NFIX: variants seen among roughly 807,000 people sequenced by gnomAD.
NFIX encodes nuclear factor 1 X-type.
Under a neutral mutation model 53.3 loss-of-function variants are expected in NFIX, and 2 were observed. That is an observed-to-expected ratio of 0.04 (90% confidence interval 0.02 to 0.12). The LOEUF (loss-of-function observed/expected upper bound fraction) is 0.12, where lower values mean the gene tolerates loss of function less well. NFIX is among the 10% of genes least tolerant of loss of function. The pLI is 1.00. For missense variants in NFIX, 310 were observed against 674.5 expected, an observed-to-expected ratio of 0.46 and a Z score of 5.99; for synonymous variants, 244 against 289.0, an observed-to-expected ratio of 0.84 and a Z score of 1.58.
intron 2 of NFIX, among the ~76,000 whole-genome samples, chr19:13,039,995 A>AG (rs1362257505): frequency 6.6e-6 from 1 of 152,140 alleles, no homozygotes; most frequent in Middle Eastern, 3.2e-3. Context: ...GGGCATTATG[A>AG]GGGGAGAATC....
rs746279957 is a variant in NFIX at position 13,022,602 on chromosome 19, AAAAG to A, written c.28-2407_28-2404del. Among the ~76,000 whole-genome samples, 4 of 152,170 alleles carry A rather than the reference AAAAG, an allele frequency of 2.6e-5. No homozygotes were observed. Among genetic ancestry groups the A allele is most frequent in the Admixed American group, 1.3e-4 (2 of 15,292 alleles). On this transcript the variant is annotated intron_variant, in intron 1 of 10. Transcript: ENST00000592199. The surrounding 1 kb of genome is among the most constrained non-coding windows in gnomAD (Gnocchi z 4.5). ...TGTGTGCTCCATAGGAAGAAAAAAA[AAAAG>A]AAAGAAAGAAATAGAAACAGAAAAA...
chr19:13,006,220 C>A lies in NFIX; in HGVS notation c.27+10356C>A, dbSNP rs1236384528. Reference sequence around the variant, plus strand: ...GCTGTGGTTTTAGCAGAGGTGGGCACGGAGACCTCATGGTGAGATGATGAT... The same window carrying A: ...GCTGTGGTTTTAGCAGAGGTGGGCAAGGAGACCTCATGGTGAGATGATGAT... On this transcript the variant is annotated intron_variant, in intron 1 of 10. Coordinates refer to ENST00000592199, the MANE Select transcript of NFIX (RefSeq NM_001365902.3). The surrounding 1 kb of genome is among the most constrained non-coding windows in gnomAD (Gnocchi z 5.6). 6.6e-6 allele frequency among the ~76,000 whole-genome samples: 1 copy of A among 152,134 alleles called. No homozygotes were observed. Among genetic ancestry groups the A allele is most frequent in the African/African-American group, 2.4e-5 (1 of 41,434 alleles).
chr19:13,017,514 C>T (rs920913674), intron 1 of NFIX, among the ~76,000 whole-genome samples: 2 of 152,040 alleles, frequency 1.3e-5, no homozygotes, highest in African/African-American at 2.4e-5. Context: ...CTTCCTTGCT[C>T]CTTGTCTCTC....
intron 2 of NFIX, among the ~76,000 whole-genome samples, chr19:13,065,921 A>C (rs1440729844): frequency 6.6e-6 from 1 of 152,158 alleles, no homozygotes; most frequent in African/African-American, 2.4e-5. Flanking sequence ...TTCCTGGAGG[A>C]AAATTTTAAG....
Position 13,025,157 on chromosome 19 carries a change from C to T in NFIX, c.164C>T (p.Ala55Val). The change falls in exon 2 of 11, where the codon GCG becomes GTG. Residue 55 changes from alanine to valine, a missense_variant. This residue lies in a region of NFIX where 64 missense variants were observed against 144.5 expected (regional missense o/e 0.44). Coordinates refer to ENST00000592199, the MANE Select transcript of NFIX (RefSeq NM_001365902.3). This position sits in a 1 kb window ranked among gnomAD's most constrained non-coding sequence, Gnocchi z 7.5. ...CGGATGTCGAAGGACGAGGAGCGGG[C>T]GGTGAAGGACGAGCTGCTGGGCGAG... ...EKRMSKDEER[A>V]VKDELLGEKP... The T allele has an allele frequency of 1.9e-6, 3 of 1,614,194 alleles. No individual in the cohort carries two copies. The highest frequency in any genetic ancestry group is 2.5e-6 in the Non-Finnish European group (3 of 1,180,034).
chr19:13,019,024 TG>T (rs1399709577), intron 1 of NFIX, among the ~76,000 whole-genome samples: 8 of 152,248 alleles, frequency 5.3e-5, no homozygotes, highest in African/African-American at 1.9e-4. Flanking sequence ...TTGCTCTAAT[TG>T]CCTGTAGTTA....
In NFIX at chr19:13,014,246, A is replaced by C. The variant is rs2012534446; in HGVS notation, c.28-10775A>C. The C allele has an allele frequency of 6.6e-6, 1 of 152,134 alleles. No individual in the cohort carries two copies. Among genetic ancestry groups the C allele is most frequent in the African/African-American group, 2.4e-5 (1 of 41,424 alleles). The allele number at this position is 152,134 out of a possible 1,614,324, so 9.4% of individuals were successfully genotyped here. The stretch of plus-strand genomic sequence containing the variant: ...CTCCGGTCTGATTCGCAAATCCCCA[A>C]ACTGGCACAAACCGGGAAACTTGCG... On this transcript the variant is annotated intron_variant, in intron 1 of 10. Coordinates refer to ENST00000592199, the MANE Select transcript of NFIX (RefSeq NM_001365902.3). This position sits in a 1 kb window ranked among gnomAD's most constrained non-coding sequence, Gnocchi z 4.4.
rs939610521 is a variant in NFIX, at chr19:13,022,364, C to T, written c.28-2657C>T. Among the ~76,000 whole-genome samples the T allele has an allele frequency of 1.3e-5, 2 of 151,984 alleles. No homozygotes were observed. The highest frequency in any genetic ancestry group is 2.4e-5 in the African/African-American group (1 of 41,362). On this transcript the variant is annotated intron_variant, in intron 1 of 10. Coordinates refer to ENST00000592199, the MANE Select transcript of NFIX (RefSeq NM_001365902.3). This position sits in a 1 kb window ranked among gnomAD's most constrained non-coding sequence, Gnocchi z 4.5. ...TGGGGGCTGGGGGAGAAGGGAGGGA[C>T]GTGTGGGGTGCTGGCCTCCCCCTTG...
intron 1 of NFIX, among the ~76,000 whole-genome samples, chr19:13,004,872 A>G (rs954705838): frequency 1.3e-4 from 20 of 148,880 alleles, no homozygotes; most frequent in African/African-American, 4.8e-4. Flanking sequence ...GCTAGAGTGT[A>G]GTGGTGCAAT....
Position 12,996,123 on chromosome 19 carries a change from G to T in NFIX, c.27+259G>T, listed in dbSNP as rs955440369. Among the ~76,000 whole-genome samples, 4 of 148,092 alleles carry T rather than the reference G, an allele frequency of 2.7e-5. No individual in the cohort carries two copies. Among genetic ancestry groups the T allele is most frequent in the African/African-American group, 1.0e-4 (4 of 39,880 alleles). On this transcript the variant is annotated intron_variant, in intron 1 of 10. Transcript: ENST00000592199. This position sits in a 1 kb window ranked among gnomAD's most constrained non-coding sequence, Gnocchi z 5.2. ...TGCGTCGTGGCGCTGCCCGTGGAGC[G>T]CAGGCGGGAGTGCGTGTACGTGTGT...
rs150811411 is a variant in NFIX, at chr19:13,029,539, CATT to C, written c.559+3988_559+3990del. On this transcript the variant is annotated intron_variant, in intron 2 of 10. Transcript: ENST00000592199. ...TCTTGGTTTCTTTTCTGGCAGTTGT[CATT>C]GTTGTTGTCGTTGAAGGAAACAGGT... Among the ~76,000 whole-genome samples the C allele has an allele frequency of 2.5e-3, 383 of 152,218 alleles. 1 individual carries two copies. The highest frequency in any genetic ancestry group is 8.2e-3 in the African/African-American group (340 of 41,520).
intron 2 of NFIX, among the ~76,000 whole-genome samples, chr19:13,034,724 G>T (rs1183203990): frequency 6.6e-6 from 1 of 152,080 alleles, no homozygotes; most frequent in Non-Finnish European, 1.5e-5. Context: ...TCTTCACATT[G>T]ACTCTCACCT....
At chr19:13,000,799 A>G (rs983254836) in intron 1 of NFIX, among the ~76,000 whole-genome samples, 1 of 152,230 alleles carries the variant, frequency 6.6e-6, no homozygotes, top group Non-Finnish European at 1.5e-5. Flanking sequence ...ACATATGTGC[A>G]GGACCCTATG....
Position 13,090,269 on chromosome 19 carries a change from G to T in NFIX, c.1403-30G>T. ...CAGGTGGGCCCCAAGGCCTGACAGG[G>T]TCTCTCCCTCTCTCCCCTGCTCCCC... On this transcript the variant is annotated intron_variant, in intron 9 of 10. Transcript: ENST00000592199. This position sits in a 1 kb window ranked among gnomAD's most constrained non-coding sequence, Gnocchi z 6.6. The T allele has an allele frequency of 6.2e-7, 1 of 1,610,446 alleles. No individual in the cohort carries two copies. Among genetic ancestry groups the T allele is most frequent in the Non-Finnish European group, 8.5e-7 (1 of 1,176,772 alleles).
At chr19:13,034,147 T>C (rs1250959286) in intron 2 of NFIX, among the ~76,000 whole-genome samples, 8 of 152,084 alleles carry the variant, frequency 5.3e-5, no homozygotes, top group Admixed American at 5.2e-4. Flanking sequence ...TTTGGCAGAG[T>C]CTCAGAGGAG....
At chr19:13,056,031 T>A (rs940618447) in intron 2 of NFIX, among the ~76,000 whole-genome samples, 1 of 151,234 alleles carries the variant, frequency 6.6e-6, no homozygotes, top group Middle Eastern at 3.4e-3. Context: ...AGGAGGGGAG[T>A]GAGGGCTGAA....
intron 2 of NFIX, among the ~76,000 whole-genome samples, chr19:13,035,024 A>G (rs1289147800): frequency 6.6e-6 from 1 of 152,180 alleles, no homozygotes; most frequent in African/African-American, 2.4e-5. Context: ...GCTAGAAATC[A>G]GTTGCACCTC....
Position 13,098,793 on chromosome 19 carries a change from G to C in NFIX, c.*4144G>C, listed in dbSNP as rs965389936. ...AATAAAGAAATAAAGAAAAACAAACGCGAGAGCGCCTGACCCTTCGCTAAC... is the reference window on the plus strand; with the variant it reads ...AATAAAGAAATAAAGAAAAACAAACCCGAGAGCGCCTGACCCTTCGCTAAC... On this transcript the variant is annotated 3_prime_UTR_variant, in exon 11 of 11. Transcript: ENST00000592199. 1 of 169,626 alleles carries C rather than the reference G, an allele frequency of 5.9e-6. No individual in the cohort carries two copies. Among genetic ancestry groups the C allele is most frequent in the African/African-American group, 2.4e-5 (1 of 41,942 alleles). 10.5% of individuals were successfully genotyped at this position (169,626 alleles called of 1,614,324 possible).
Position 13,006,134 on chromosome 19 carries a change from G to C in NFIX, c.27+10270G>C, listed in dbSNP as rs930749650. 1.3e-5 allele frequency among the ~76,000 whole-genome samples: 2 copies of C among 152,242 alleles called. No homozygotes were observed. The highest frequency in any genetic ancestry group is 2.9e-5 in the Non-Finnish European group (2 of 68,042). On this transcript the variant is annotated intron_variant, in intron 1 of 10. Coordinates refer to ENST00000592199, the MANE Select transcript of NFIX (RefSeq NM_001365902.3). The surrounding 1 kb of genome is among the most constrained non-coding windows in gnomAD (Gnocchi z 5.6). ...ATAAACAAGGGAGTGTCCAGTCCTT[G>C]AGATGGCGCTAGGTGCTGTGGGAAG...
Sources: allele counts gnomAD v4.1 joint callset (sites outside exome capture counted in the v4.1 genomes callset), GRCh38; gene constraint gnomAD v4.1.1; regional missense constraint gnomAD v4.1.1; non-coding constraint Gnocchi (gnomAD v3.1); transcripts MANE v1.5; gene names NCBI Gene and HGNC (gene_info 2026-07-23, HGNC 2026-07-21).